The following SAMD5 variants were observed in gnomAD, a reference collection of about 807,000 sequenced individuals.
SAMD5 encodes sterile alpha motif domain containing 5, also known as sterile alpha motif domain-containing protein 5.
Under a neutral mutation model 11.3 loss-of-function variants are expected in SAMD5, and 13 were observed. That is an observed-to-expected ratio of 1.15 (90% CI 0.75 to 1.83). The LOEUF (loss-of-function observed/expected upper bound fraction) is 1.83. Among genes scored for constraint, SAMD5 ranks in the 40% most tolerant of loss-of-function variants. The probability of loss-of-function intolerance (pLI) is 0.00; values close to 1 mark genes in which losing one functional copy is unlikely to be tolerated. For missense variants in SAMD5, 255 were observed against 239.1 expected (o/e 1.07, Z -0.44); for synonymous variants, 129 against 111.3 (o/e 1.16, Z -1.00).
At chr6:147,533,500 A>C (rs1223350290) in intron 1 of SAMD5, among the ~76,000 whole-genome samples, 1 of 151,626 alleles carries the variant, frequency 6.6e-6, no homozygotes, top group East Asian at 1.9e-4. Context: ...AAAAGAAACC[A>C]AGAAGCTTCT....
intron 1 of SAMD5, among the ~76,000 whole-genome samples, chr6:147,654,364 G>A (rs372664186): frequency 7.2e-5 from 11 of 152,062 alleles, no homozygotes; most frequent in South Asian, 6.3e-4. Flanking sequence ...GAATTTCTCC[G>A]CTAAGTAGTC....
At chr6:147,617,860 G>A (rs1032589490) in intron 1 of SAMD5, among the ~76,000 whole-genome samples, 6 of 152,202 alleles carry the variant, frequency 3.9e-5, no homozygotes, top group Non-Finnish European at 5.9e-5. Flanking sequence ...ACCCAGGTTT[G>A]TAGATATTGA....
At chr6:147,752,267 A>C in the SAMD5 span, among the ~76,000 whole-genome samples, 1 of 152,198 alleles carries the variant, frequency 6.6e-6, no homozygotes, top group African/African-American at 2.4e-5. Context: ...CTTTATCAAA[A>C]ACAACAGAGA....
At chr6:147,710,232 A>G (rs2128458437) in intron 1 of SAMD5, among the ~76,000 whole-genome samples, 1 of 152,278 alleles carries the variant, frequency 6.6e-6, no homozygotes, top group South Asian at 2.1e-4. Context: ...ACTGGGTTGA[A>G]TGTTACTTCC....
At chr6:147,629,136 C>G (rs1197031237) in intron 1 of SAMD5, among the ~76,000 whole-genome samples, 1 of 151,130 alleles carries the variant, frequency 6.6e-6, no homozygotes, top group African/African-American at 2.5e-5. Context: ...ACTAAAAATA[C>G]AGAAAACAAA....
At chr6:147,635,880 G>A (rs1203982091) in intron 1 of SAMD5, among the ~76,000 whole-genome samples, 4 of 152,210 alleles carry the variant, frequency 2.6e-5, no homozygotes, top group Non-Finnish European at 4.4e-5. Context: ...GCTCAACTAT[G>A]CCAATTCATG....
Position 147,642,651 on chromosome 6 carries a change from A to C in SAMD5, c.163-94666A>C, listed in dbSNP as rs530389172. Among the ~76,000 whole-genome samples the C allele has an allele frequency of 3.9e-5, 6 of 152,330 alleles. No homozygotes were observed. The East Asian group carries it at 1.2e-3, about 29-fold the overall frequency. On this transcript the variant is annotated intron_variant, in intron 1 of 1. Coordinates refer to the SAMD5 transcript ENST00000566741. Reference sequence around the variant, plus strand: ...CCCTTTCATTTTCCAGATAAGAAAAATAAAACAGTGTTTTATTGAAACATC... The same window carrying C: ...CCCTTTCATTTTCCAGATAAGAAAACTAAAACAGTGTTTTATTGAAACATC...
chr6:147,699,293 C>T (rs1457679133), intron 1 of SAMD5, among the ~76,000 whole-genome samples: 1 of 152,150 alleles, frequency 6.6e-6, no homozygotes, highest in East Asian at 1.9e-4. Context: ...GAATACTGGA[C>T]ACATATGGGA....
chr6:147,518,223 G>T (rs1346229482), intron 1 of SAMD5, among the ~76,000 whole-genome samples: 2 of 152,096 alleles, frequency 1.3e-5, no homozygotes, highest in Non-Finnish European at 2.9e-5. Flanking sequence ...CTCTTCATTT[G>T]CTGGTCCTTC....
chr6:147,767,489 C>A, the SAMD5 span, among the ~76,000 whole-genome samples: 5 of 149,906 alleles, frequency 3.3e-5, no homozygotes, highest in South Asian at 1.0e-3. Context: ...TGTTGAAGCC[C>A]TTAATCCCCA....
chr6:147,516,555 A>G lies in SAMD5; in HGVS notation c.459+7168A>G, dbSNP rs138769788. On this transcript the variant is annotated intron_variant, in intron 1 of 1. Coordinates refer to ENST00000367474, the MANE Select transcript of SAMD5 (RefSeq NM_001030060.3). ...TCTATGTATCCTAGAACTGCCATAA[A>G]AAGTGCCACAAACTAGGTGTCTAAA... Among the ~76,000 whole-genome samples the G allele has an allele frequency of 7.8e-3, 1,185 of 152,352 alleles. 8 individuals carry two copies. Among genetic ancestry groups the G allele is most frequent in the South Asian group, 0.018 (88 of 4,826 alleles).
At chr6:147,944,995 G>C in the SAMD5 span, among the ~76,000 whole-genome samples, 1 of 152,142 alleles carries the variant, frequency 6.6e-6, no homozygotes, top group African/African-American at 2.4e-5. Flanking sequence ...CTGAGATATA[G>C]TCCCCATCAT....
the SAMD5 span, among the ~76,000 whole-genome samples, chr6:147,852,681 G>A: frequency 6.6e-6 from 1 of 152,158 alleles, no homozygotes; most frequent in African/African-American, 2.4e-5. Context: ...AAATCTCCCA[G>A]TGATTTTATC....
At chr6:147,540,263 T>G (rs1788579124) in intron 1 of SAMD5, among the ~76,000 whole-genome samples, 1 of 152,212 alleles carries the variant, frequency 6.6e-6, no homozygotes, top group African/African-American at 2.4e-5. Flanking sequence ...GAACCCAGGC[T>G]GCTACTGTCA....
At position 147,566,354 on chromosome 6, in the gene SAMD5, G is replaced by A. The variant is rs1789040690; in HGVS notation, c.*1898G>A. On this transcript the variant is annotated 3_prime_UTR_variant, in exon 2 of 2. Coordinates refer to ENST00000367474, the MANE Select transcript of SAMD5 (RefSeq NM_001030060.3). ...AAGTAGATTCTTTTGAGTGGTAGGG[G>A]AGTCTGTATAGATTACAGATATAAT... 2.0e-6 allele frequency: 2 copies of A among 981,268 alleles called. No individual in the cohort carries two copies. Among genetic ancestry groups the A allele is most frequent in the South Asian group, 9.4e-5 (2 of 21,210 alleles). The allele number at this position is 981,268 out of a possible 1,614,324, so 60.8% of individuals were successfully genotyped here. A position where few individuals can be genotyped will look rare whatever the true frequency, so the allele number is the denominator to read the frequency against.
intron 1 of SAMD5, among the ~76,000 whole-genome samples, chr6:147,662,424 A>G (rs1147851): frequency 0.23 from 34,912 of 152,224 alleles, 4,513 homozygotes; most frequent in Non-Finnish European, 0.29. Context: ...GAAATGAATG[A>G]GGAAGCCAAA....
the SAMD5 span, among the ~76,000 whole-genome samples, chr6:147,847,893 C>G: frequency 2.0e-3 from 308 of 152,170 alleles, 3 homozygotes; most frequent in African/African-American, 7.0e-3. Flanking sequence ...AGAATATTAC[C>G]TGGGCAACAA....
At chr6:147,621,170 C>A (rs1326719692) in intron 1 of SAMD5, among the ~76,000 whole-genome samples, 2 of 152,108 alleles carry the variant, frequency 1.3e-5, no homozygotes, top group African/African-American at 4.8e-5. Context: ...TTCCTGTATG[C>A]TTTTACATAC....
At chr6:147,894,724 A>G in the SAMD5 span, among the ~76,000 whole-genome samples, 2 of 152,158 alleles carry the variant, frequency 1.3e-5, no homozygotes, top group African/African-American at 4.8e-5. Flanking sequence ...TAGAATTTAT[A>G]TTTTTGGTGT....
Sources: gnomAD v4.1 joint callset for allele counts (sites outside exome capture counted in the v4.1 genomes callset) on GRCh38, gnomAD v4.1.1 for gene constraint, MANE v1.5 for transcripts, NCBI Gene and HGNC (gene_info 2026-07-23, HGNC 2026-07-21) for gene names.